LAMA4: variants seen among roughly 807,000 people sequenced by gnomAD.
The protein encoded by LAMA4 is laminin subunit alpha 4, also known as laminin subunit alpha-4.
In LAMA4, 127 loss-of-function variants were observed where a neutral mutation model predicts 207.1. The observed-to-expected ratio is 0.61, with a 90% confidence interval of 0.53 to 0.71. The LOEUF (loss-of-function observed/expected upper bound fraction) is 0.71, where lower values mean the gene tolerates loss of function less well. Ranked by LOEUF, LAMA4 falls within the 30% of genes least tolerant of loss-of-function variation. LAMA4 has a pLI of 0.00. For synonymous variants in LAMA4, 761 were observed against 816.0 expected (o/e 0.93, Z 1.15); for missense variants, 2,093 against 2,246.5 (o/e 0.93, Z 1.38).
At position 112,114,159 on chromosome 6, in the gene LAMA4, T is replaced by A; in HGVS notation, c.5243A>T (p.Asp1748Val). ...TCCAACCACATGGTTCACTTCAGAGTCCACATCCAACTGAACCACATTAGA... is the reference window on the plus strand; with the variant it reads ...TCCAACCACATGGTTCACTTCAGAGACCACATCCAACTGAACCACATTAGA... ...RDSNVVQLDV[D>V]SEVNHVVGPL... Residue 1748 changes from aspartate (D) to valine (V), a missense_variant, in exon 38 of 39, where the codon GAC becomes GTC. Asp to Val is a radical substitution (Grantham distance 152). Coordinates refer to ENST00000230538, the MANE Select transcript of LAMA4 (RefSeq NM_001105206.3). 6.2e-7 allele frequency: 1 copy of A among 1,613,830 alleles called. No homozygotes were observed. The highest frequency in any genetic ancestry group is 2.2e-5 in the East Asian group (1 of 44,880).
At chr6:112,124,433 C>A (rs1376150321) in intron 31 of LAMA4, among the ~76,000 whole-genome samples, 2 of 152,154 alleles carry the variant, frequency 1.3e-5, no homozygotes, top group East Asian at 3.8e-4. Flanking sequence ...ATATGGCAAC[C>A]AAATATGCTA....
chr6:112,145,651 C>T (rs1020224681), intron 18 of LAMA4, among the ~76,000 whole-genome samples: 1 of 152,166 alleles, frequency 6.6e-6, no homozygotes, highest in Non-Finnish European at 1.5e-5. Context: ...CACCCACCCA[C>T]TCCACTCAGA....
intron 3 of LAMA4, among the ~76,000 whole-genome samples, chr6:112,208,339 C>G (rs1554355183): frequency 6.6e-6 from 1 of 152,126 alleles, no homozygotes; most frequent in Non-Finnish European, 1.5e-5. Context: ...GGCCTTTATG[C>G]TTTATTTGAG....
intron 13 of LAMA4, among the ~76,000 whole-genome samples, chr6:112,160,721 A>G (rs1392189480): frequency 2.6e-5 from 4 of 152,122 alleles, no homozygotes; most frequent in African/African-American, 9.7e-5. Flanking sequence ...TCTTTCCCTG[A>G]CCAAGAAAGA....
At chr6:112,207,267 T>C (rs1273735922) in intron 3 of LAMA4, 122 bp from the exon 4 acceptor site, 11 of 1,042,316 alleles carry the variant, frequency 1.1e-5, no homozygotes, top group African/African-American at 1.6e-5. Context: ...GCACAGACTG[T>C]ATGCGGCAGT....
intron 19 of LAMA4, among the ~76,000 whole-genome samples, chr6:112,144,161 T>G (rs1343051114): frequency 2.6e-5 from 4 of 152,200 alleles, no homozygotes; most frequent in Admixed American, 6.5e-5. Context: ...GAAAAGTAAT[T>G]GCTATGTCAG....
At chr6:112,165,120 G>C (rs1781306987) in intron 13 of LAMA4, 40 bp downstream of exon 13, 1 of 1,119,348 alleles carries the variant, frequency 8.9e-7, no homozygotes, top group South Asian at 1.2e-5. Flanking sequence ...GTTGTAACCT[G>C]CTGGAAATAC....
At chr6:112,227,756 A>G (rs1022004143) in intron 2 of LAMA4, among the ~76,000 whole-genome samples, 5 of 151,996 alleles carry the variant, frequency 3.3e-5, no homozygotes, top group African/African-American at 7.3e-5. Flanking sequence ...CATTTCACAC[A>G]TATCTGTCTT....
chr6:112,206,157 G>T (rs969714343), intron 4 of LAMA4, among the ~76,000 whole-genome samples: 1 of 152,182 alleles, frequency 6.6e-6, no homozygotes, highest in African/African-American at 2.4e-5. Flanking sequence ...CTGAGGAGAG[G>T]TTGAGGGATC....
intron 7 of LAMA4, 195 bp downstream of exon 7, chr6:112,188,915 C>A: frequency 5.1e-6 from 3 of 586,598 alleles, no homozygotes; most frequent in Non-Finnish European, 6.1e-6. Context: ...ATGTAAACCA[C>A]CCATTTGCCC....
chr6:112,109,668 T>C (rs1446737887), intron 38 of LAMA4, 86 bp from the exon 39 acceptor site: 1 of 1,323,922 alleles, frequency 7.6e-7, no homozygotes, highest in East Asian at 2.3e-5. Context: ...TATACATATT[T>C]GCTCATATCA....
intron 4 of LAMA4, among the ~76,000 whole-genome samples, chr6:112,203,828 T>C (rs186407912): frequency 3.2e-4 from 48 of 152,364 alleles, no homozygotes; most frequent in African/African-American, 1.2e-3. Flanking sequence ...ACCTCGAATC[T>C]GTACTATTAG....
intron 2 of LAMA4, among the ~76,000 whole-genome samples, chr6:112,232,155 A>G (rs1785607294): frequency 6.6e-6 from 1 of 152,184 alleles, no homozygotes; most frequent in Non-Finnish European, 1.5e-5. Flanking sequence ...CCATTTCCAA[A>G]TAGTTCATTA....
intron 2 of LAMA4, among the ~76,000 whole-genome samples, chr6:112,223,144 A>G (rs768476237): frequency 6.6e-6 from 1 of 151,624 alleles, no homozygotes; most frequent in African/African-American, 2.4e-5. Flanking sequence ...TCGCCTTCCA[A>G]GCTATGGTTA....
chr6:112,175,705 G>T (rs1562695908), intron 10 of LAMA4, among the ~76,000 whole-genome samples: 1 of 152,214 alleles, frequency 6.6e-6, no homozygotes, highest in Non-Finnish European at 1.5e-5. Context: ...ACTCTTCTCT[G>T]CTTCCCATGC....
At chr6:112,240,500 T>C (rs1434644211) in intron 2 of LAMA4, among the ~76,000 whole-genome samples, 2 of 152,212 alleles carry the variant, frequency 1.3e-5, no homozygotes, top group Admixed American at 6.5e-5. Context: ...ACTCATGCTT[T>C]CTATTTTTTG....
At chr6:112,224,139 G>A (rs1389781749) in intron 2 of LAMA4, among the ~76,000 whole-genome samples, 1 of 152,188 alleles carries the variant, frequency 6.6e-6, no homozygotes, top group African/African-American at 2.4e-5. Flanking sequence ...AGGGATGAGG[G>A]GAGGCAAAGA....
intron 13 of LAMA4, chr6:112,159,430 G>GT (rs1161704312): frequency 5.7e-5 from 9 of 158,524 alleles, no homozygotes; most frequent in African/African-American, 2.2e-4. Context: ...AAATCACCTT[G>GT]TAACACAGGC....
intron 2 of LAMA4, chr6:112,251,723 C>T (rs1787471354): frequency 6.6e-6 from 1 of 152,370 alleles, no homozygotes. Flanking sequence ...GCGTTGGGAT[C>T]GCCATGGGAC....
Sources: allele counts gnomAD v4.1 joint callset (sites outside exome capture counted in the v4.1 genomes callset), GRCh38; gene constraint gnomAD v4.1.1; transcripts MANE v1.5; gene names NCBI Gene and HGNC (gene_info 2026-07-23, HGNC 2026-07-21).